ANKS1B: variants seen among roughly 807,000 people sequenced by gnomAD.
The protein encoded by ANKS1B is ankyrin repeat and sterile alpha motif domain-containing protein 1B.
ANKS1B carries 36 observed loss-of-function variants against 148.3 expected under a neutral mutation model. That is an observed-to-expected ratio of 0.24 (90% CI 0.19 to 0.32). ANKS1B has a LOEUF of 0.32. Among genes scored for constraint, ANKS1B ranks in the 10% least tolerant of loss-of-function variants. ANKS1B has a pLI of 1.00. For missense variants in ANKS1B, 1,157 were observed against 1,542.6 expected (o/e 0.75, Z 4.19); for synonymous variants, 542 against 560.8 (o/e 0.97, Z 0.47).
Position 98,787,354 on chromosome 12 carries a change from T to C in ANKS1B, c.3343-5217A>G, listed in dbSNP as rs557986094. Among the ~76,000 whole-genome samples, 5 of 152,316 alleles carry C rather than the reference T, an allele frequency of 3.3e-5. No individual in the cohort carries two copies. The South Asian group carries it at 1.0e-3, about 32-fold the overall frequency. Reference sequence around the variant, plus strand: ...TCTCTTGTTCCCCTCTCTGCCACTTTTCCCGTGCACTGCCCTGGGTCTCAG... The same window carrying C: ...TCTCTTGTTCCCCTCTCTGCCACTTCTCCCGTGCACTGCCCTGGGTCTCAG... On this transcript the variant is annotated intron_variant, in intron 22 of 26. Transcript: ENST00000683438.
chr12:99,060,653 T>TCACACACACACA (rs35515489), intron 16 of ANKS1B, among the ~76,000 whole-genome samples: 314 of 126,088 alleles, frequency 2.5e-3, no homozygotes, highest in East Asian at 0.014. Flanking sequence ...TATATACACA[T>TCACACACACACA]CACACACACA....
At chr12:99,692,702 G>C (rs548330523) in intron 8 of ANKS1B, among the ~76,000 whole-genome samples, 253 of 150,672 alleles carry the variant, frequency 1.7e-3, no homozygotes, top group African/African-American at 5.9e-3. Context: ...AAAAAGAAAT[G>C]AATCAGGGAT....
intron 12 of ANKS1B, among the ~76,000 whole-genome samples, chr12:99,361,826 A>G (rs2092488285): frequency 6.6e-6 from 1 of 152,060 alleles, no homozygotes; most frequent in Non-Finnish European, 1.5e-5. Flanking sequence ...AATGATGAAC[A>G]TTTGACCACA....
chr12:99,636,355 T>A (rs2098236050), intron 9 of ANKS1B, among the ~76,000 whole-genome samples: 1 of 152,218 alleles, frequency 6.6e-6, no homozygotes, highest in Non-Finnish European at 1.5e-5. Flanking sequence ...AAATCTTGTT[T>A]TGTATATGCT....
chr12:99,188,376 A>G (rs1320094336), intron 14 of ANKS1B, among the ~76,000 whole-genome samples: 2 of 152,224 alleles, frequency 1.3e-5, no homozygotes, highest in Non-Finnish European at 2.9e-5. Flanking sequence ...GTCCATCCCA[A>G]ATCAACAGAA....
intron 1 of ANKS1B, among the ~76,000 whole-genome samples, chr12:99,834,782 G>T (rs2084563886): frequency 6.6e-6 from 1 of 151,940 alleles, no homozygotes; most frequent in South Asian, 2.1e-4. Flanking sequence ...AGTTTTTATT[G>T]ATTCCTATCT....
intron 19 of ANKS1B, among the ~76,000 whole-genome samples, chr12:98,823,303 T>C (rs1183803308): frequency 1.1e-4 from 16 of 152,208 alleles, no homozygotes; most frequent in Admixed American, 1.0e-3. Context: ...CTGTCTGTGC[T>C]TAAGTATTAA....
chr12:99,137,146 A>C (rs2068378790), intron 15 of ANKS1B, among the ~76,000 whole-genome samples: 1 of 152,212 alleles, frequency 6.6e-6, no homozygotes, highest in East Asian at 1.9e-4. Flanking sequence ...AGCTCCAAAT[A>C]CTGCCATTGA....
rs543777584 is a variant in ANKS1B at position 99,274,674 on chromosome 12, C to A, written c.1757-27810G>T. 1.0e-3 allele frequency among the ~76,000 whole-genome samples: 156 copies of A among 152,276 alleles called. 5 individuals are homozygous for A. The South Asian group carries it at 0.032, about 31-fold the overall frequency. On this transcript the variant is annotated intron_variant, in intron 12 of 26. Coordinates refer to ENST00000683438, the MANE Select transcript of ANKS1B (RefSeq NM_001352186.2). ...TTTCTGCCTGCTACTTGGTTCAAAA[C>A]CTACACCATATGTTATAGGATACTA...
chr12:99,371,877 C>T (rs1000008794), intron 12 of ANKS1B, among the ~76,000 whole-genome samples: 4 of 152,034 alleles, frequency 2.6e-5, no homozygotes, highest in Non-Finnish European at 2.9e-5. Flanking sequence ...AATAATAATG[C>T]TTTACTATTT....
intron 14 of ANKS1B, among the ~76,000 whole-genome samples, chr12:99,201,234 G>A (rs552896003): frequency 6.6e-6 from 1 of 152,202 alleles, no homozygotes; most frequent in Admixed American, 6.5e-5. Context: ...AGGTGTCATT[G>A]ATTAAAGAAT....
At chr12:99,101,141 A>AT (rs2057837505) in intron 15 of ANKS1B, among the ~76,000 whole-genome samples, 3 of 152,212 alleles carry the variant, frequency 2.0e-5, no homozygotes, top group African/African-American at 7.2e-5. Context: ...CCAGGTAGCC[A>AT]GCCTTGTAAG....
chr12:99,460,863 C>A (rs1349479367), intron 10 of ANKS1B, among the ~76,000 whole-genome samples: 6 of 151,984 alleles, frequency 3.9e-5, no homozygotes, highest in African/African-American at 1.4e-4. Flanking sequence ...AAAAGTAGAT[C>A]TACCATTTGA....
rs571817874 is a variant in ANKS1B, at chr12:99,427,423, C to A, written c.1575+16250G>T. Among the ~76,000 whole-genome samples, 24 of 152,304 alleles carry A rather than the reference C, an allele frequency of 1.6e-4. No homozygotes were observed. In the South Asian group the frequency reaches 5.0e-3, roughly 32 times the overall value. ...TGCTATTTCATTTCCCTGCCTGGAA[C>A]ATTCTTCCTCTGACTCTTTTCATGG... On this transcript the variant is annotated intron_variant, in intron 11 of 26. Coordinates refer to ENST00000683438, the MANE Select transcript of ANKS1B (RefSeq NM_001352186.2).
At chr12:99,684,170 G>C (rs1259866744) in intron 8 of ANKS1B, among the ~76,000 whole-genome samples, 1 of 152,000 alleles carries the variant, frequency 6.6e-6, no homozygotes, top group East Asian at 1.9e-4. Context: ...AAGTCAAACT[G>C]TCACTGGTCA....
chr12:99,648,536 TTCCCTTG>T (rs2098395222), intron 9 of ANKS1B: 1 of 1,614,080 alleles, frequency 6.2e-7, no homozygotes, highest in Admixed American at 1.7e-5. Context: ...ACCAGGCTGC[TTCCCTTG>T]ATGTTTGTGA....
At chr12:98,747,455 T>C (rs1782019762) in intron 26 of ANKS1B, among the ~76,000 whole-genome samples, 1 of 152,034 alleles carries the variant, frequency 6.6e-6, no homozygotes, top group Non-Finnish European at 1.5e-5. Flanking sequence ...CAAAAACTAA[T>C]GGATGCTGAT....
rs1374229112 is a variant in ANKS1B at position 99,443,769 on chromosome 12, A to G, written c.1479T>C (p.Ser493=). The G allele has an allele frequency of 1.2e-6, 2 of 1,611,754 alleles. No individual in the cohort carries two copies. The highest frequency in any genetic ancestry group is 1.3e-5 in the African/African-American group (1 of 74,846). ...GGCCTGTTGAGCTGTTTCTATGGTT[A>G]CTAGTTCCTGGAGTAGTAACTGCTA... ...SEVAVTTPGT[S]NHRNSSTGPT... The change falls in exon 11 of 27, where the codon AGT becomes AGC. Residue 493 remains serine, a synonymous_variant. Transcript: ENST00000683438.
intron 10 of ANKS1B, among the ~76,000 whole-genome samples, chr12:99,448,063 T>C (rs1298817975): frequency 6.6e-6 from 1 of 151,972 alleles, no homozygotes; most frequent in Admixed American, 6.6e-5. Context: ...AAACAAAATA[T>C]AGAATTACCA....
Sources: allele counts gnomAD v4.1 joint callset (sites outside exome capture counted in the v4.1 genomes callset), GRCh38; gene constraint gnomAD v4.1.1; transcripts MANE v1.5; gene names NCBI Gene and HGNC (gene_info 2026-07-23, HGNC 2026-07-21).